Variants in KCNC1 observed in about 807,000 individuals in gnomAD.
KCNC1 encodes voltage-gated potassium channel KCNC1.
In KCNC1, 8 loss-of-function variants were observed where a neutral mutation model predicts 43.4. That is an observed-to-expected ratio of 0.18 (90% confidence interval 0.11 to 0.33). The LOEUF (loss-of-function observed/expected upper bound fraction) is 0.33. Ranked by LOEUF, KCNC1 falls within the 10% of genes least tolerant of loss-of-function variation. KCNC1 has a pLI of 1.00. For synonymous variants in KCNC1, 361 were observed against 360.5 expected, an observed-to-expected ratio of 1.00 and a Z score of -0.01; for missense variants, 420 against 836.0, an observed-to-expected ratio of 0.50 and a Z score of 6.14.
chr11:17,741,071 A>G (rs1848835448), intron 1 of KCNC1, among the ~76,000 whole-genome samples: 1 of 151,436 alleles, frequency 6.6e-6, no homozygotes, highest in Non-Finnish European at 1.5e-5. Context: ...TCATGGTACC[A>G]TATGAAGGAG....
At chr11:17,760,999 C>T (rs1345255519) in intron 1 of KCNC1, among the ~76,000 whole-genome samples, 4 of 152,218 alleles carry the variant, frequency 2.6e-5, no homozygotes, top group Non-Finnish European at 4.4e-5. Flanking sequence ...CCCCACTCAT[C>T]GTGCGACCTT....
Position 17,776,792 on chromosome 11 carries a change from T to A in KCNC1, c.1505-2664T>A. 2.0e-6 allele frequency: 2 copies of A among 985,286 alleles called. No individual in the cohort carries two copies. Among genetic ancestry groups the A allele is most frequent in the Non-Finnish European group, 2.4e-6 (2 of 829,986 alleles). 61.0% of individuals were successfully genotyped at this position (985,286 alleles called of 1,614,324 possible). On this transcript the variant is annotated intron_variant, in intron 2 of 3. Transcript: ENST00000265969. This position sits in a 1 kb window ranked among gnomAD's most constrained non-coding sequence, Gnocchi z 4.4. ...CCTATTCATGGGTTCCCCAGATTTA[T>A]ACAGTTGGCCCCTCGTTGGTTTCTC...
rs1362181185 is a variant in KCNC1 at position 17,781,152 on chromosome 11, AGAC to A, written c.1694-517_1694-515del. On this transcript the variant is annotated intron_variant, in intron 3 of 3. Coordinates refer to ENST00000265969, the MANE Select transcript of KCNC1 (RefSeq NM_001112741.2). This position sits in a 1 kb window ranked among gnomAD's most constrained non-coding sequence, Gnocchi z 5.1. ...ACTGATTGGTGTGGCCCCAAAGAGC[AGAC>A]AAGACAGTCTCTTTACTGTGGTGCC... The A allele has an allele frequency of 6.5e-6, 1 of 152,676 alleles. No homozygotes were observed. Among genetic ancestry groups the A allele is most frequent in the East Asian group, 1.9e-4 (1 of 5,196 alleles). The allele number at this position is 152,676 out of a possible 1,614,324, so 9.5% of individuals were successfully genotyped here.
intron 1 of KCNC1, among the ~76,000 whole-genome samples, chr11:17,769,304 G>A (rs1849194664): frequency 6.6e-6 from 1 of 152,056 alleles, no homozygotes. Flanking sequence ...GGATGGATGG[G>A]TGCATGGGTG....
At chr11:17,755,319 A>G (rs1014777902) in intron 1 of KCNC1, among the ~76,000 whole-genome samples, 1 of 152,212 alleles carries the variant, frequency 6.6e-6, no homozygotes, top group African/African-American at 2.4e-5. Context: ...CTCCTCTGAG[A>G]GAAATAGGGC....
At position 17,779,405 on chromosome 11, in the gene KCNC1, C is replaced by G; in HGVS notation, c.1505-51C>G. 1.4e-6 allele frequency: 2 copies of G among 1,389,096 alleles called. No individual in the cohort carries two copies. The highest frequency in any genetic ancestry group is 1.9e-6 in the Non-Finnish European group (2 of 1,058,636). 86.0% of individuals were successfully genotyped at this position (1,389,096 alleles called of 1,614,324 possible). A position where few individuals can be genotyped will look rare whatever the true frequency, so the allele number is the denominator to read the frequency against. On this transcript the variant is annotated intron_variant, in intron 2 of 3. Coordinates refer to ENST00000265969, the MANE Select transcript of KCNC1 (RefSeq NM_001112741.2). The surrounding 1 kb of genome is among the most constrained non-coding windows in gnomAD (Gnocchi z 7.2). ...GCTTCTGGCCTGTCCCCCCCTGCCC[C>G]CCACTAAACAGTTTTCAGTGTCTCA...
At position 17,771,647 on chromosome 11, in the gene KCNC1, G is replaced by C. The variant is rs1269936283; in HGVS notation, c.571-18G>C. On this transcript the variant is annotated intron_variant, in intron 1 of 3. Transcript: ENST00000265969. The surrounding 1 kb of genome is among the most constrained non-coding windows in gnomAD (Gnocchi z 4.7). The stretch of plus-strand genomic sequence containing the variant: ...TCTGGGTGGGCCTCCCTCTGACACT[G>C]TGTCTTTATCCCCACAGTATGTGGC... 1 of 1,590,516 alleles carries C rather than the reference G, an allele frequency of 6.3e-7. No homozygotes were observed. Among genetic ancestry groups the C allele is most frequent in the African/African-American group, 1.3e-5 (1 of 74,522 alleles).
At chr11:17,774,702 G>C in intron 2 of KCNC1, 1 of 985,466 alleles carries the variant, frequency 1.0e-6, no homozygotes, top group Non-Finnish European at 1.2e-6. Flanking sequence ...GACAGTTCTG[G>C]CTTGGACAGT....
Position 17,779,565 on chromosome 11 carries a change from C to A in KCNC1, c.1614C>A (p.Gly538=). 6.4e-7 allele frequency: 1 copy of A among 1,551,592 alleles called. No individual in the cohort carries two copies. The highest frequency in any genetic ancestry group is 1.4e-5 in the African/African-American group (1 of 73,190). Residue 538 remains glycine, a synonymous_variant, in exon 3 of 4, where the codon GGC becomes GGA. Coordinates refer to ENST00000265969, the MANE Select transcript of KCNC1 (RefSeq NM_001112741.2). The surrounding 1 kb of genome is among the most constrained non-coding windows in gnomAD (Gnocchi z 7.2). ...PDEGLPFTRS[G]TRERYGPCFL... is the part of the protein sequence containing the mutation. ...AGGGCCTGCCCTTTACGCGCTCGGG[C>A]ACCCGCGAGAGATACGGACCCTGCT...
chr11:17,782,174 T>A lies in KCNC1; in HGVS notation c.*440T>A, dbSNP rs1849352761. ...ACTGTAACGGCGTTCAGTAGAAACC[T>A]GTACATTTCTGGGGGTGAGGGGCGA... On this transcript the variant is annotated 3_prime_UTR_variant, in exon 4 of 4. Transcript: ENST00000265969. The A allele has an allele frequency of 6.4e-6, 1 of 156,664 alleles. No homozygotes were observed. The highest frequency in any genetic ancestry group is 1.4e-5 in the Non-Finnish European group (1 of 71,286). The allele number at this position is 156,664 out of a possible 1,614,324, so 9.7% of individuals were successfully genotyped here.
At chr11:17,767,241 C>T (rs1245793316) in intron 1 of KCNC1, among the ~76,000 whole-genome samples, 5 of 147,956 alleles carry the variant, frequency 3.4e-5, no homozygotes, top group African/African-American at 1.0e-4. Flanking sequence ...GCCAAGATCA[C>T]GCCACTGCAC....
chr11:17,777,070 T>A lies in KCNC1; in HGVS notation c.1505-2386T>A. ...CATCCCTCCAGGGATCCCTGATGGA[T>A]GTTCCTTGTCCCCTGCCCAAAACCA... On this transcript the variant is annotated intron_variant, in intron 2 of 3. Coordinates refer to ENST00000265969, the MANE Select transcript of KCNC1 (RefSeq NM_001112741.2). The surrounding 1 kb of genome is among the most constrained non-coding windows in gnomAD (Gnocchi z 4.3). The A allele has an allele frequency of 1.0e-6, 1 of 985,242 alleles. No individual in the cohort carries two copies. Among genetic ancestry groups the A allele is most frequent in the Non-Finnish European group, 1.2e-6 (1 of 829,904 alleles). The allele number at this position is 985,242 out of a possible 1,614,324, so 61.0% of individuals were successfully genotyped here.
chr11:17,779,386 G>T lies in KCNC1; in HGVS notation c.1505-70G>T. 3 of 1,288,782 alleles carry T rather than the reference G, an allele frequency of 2.3e-6. No individual in the cohort carries two copies. Among genetic ancestry groups the T allele is most frequent in the South Asian group, 1.8e-5 (1 of 55,076 alleles). 79.8% of individuals were successfully genotyped at this position (1,288,782 alleles called of 1,614,324 possible). On this transcript the variant is annotated intron_variant, in intron 2 of 3. Transcript: ENST00000265969. The surrounding 1 kb of genome is among the most constrained non-coding windows in gnomAD (Gnocchi z 7.2). The stretch of plus-strand genomic sequence containing the variant: ...TGCCCTCTGCCAATACCCCGCTTCT[G>T]GCCTGTCCCCCCCTGCCCCCCACTA...
chr11:17,773,946 G>T lies in KCNC1; in HGVS notation c.1504+1348G>T, dbSNP rs1849258621. The stretch of plus-strand genomic sequence containing the variant: ...CCCCAGGTGGGGAAGTTTCCCCCTG[G>T]TTTGGGTGGCCTCCCCCAGTGGATG... On this transcript the variant is annotated intron_variant, in intron 2 of 3. Transcript: ENST00000265969. The surrounding 1 kb of genome is among the most constrained non-coding windows in gnomAD (Gnocchi z 4.1). The T allele has an allele frequency of 1.0e-6, 1 of 985,390 alleles. No individual in the cohort carries two copies. The highest frequency in any genetic ancestry group is 1.7e-5 in the African/African-American group (1 of 57,248). 61.0% of individuals were successfully genotyped at this position (985,390 alleles called of 1,614,324 possible).
chr11:17,752,517 C>G (rs1254753206), intron 1 of KCNC1, among the ~76,000 whole-genome samples: 1 of 152,254 alleles, frequency 6.6e-6, no homozygotes, highest in African/African-American at 2.4e-5. Context: ...AGGCTCCCCA[C>G]CCTCGTGCAA....
intron 1 of KCNC1, among the ~76,000 whole-genome samples, chr11:17,767,475 T>G (rs1849167392): frequency 6.6e-6 from 1 of 152,156 alleles, no homozygotes; most frequent in African/African-American, 2.4e-5. Context: ...AGGCACATAG[T>G]AGGTCCTCAA....
At chr11:17,775,154 C>T (rs1590107988) in intron 2 of KCNC1, 1 of 985,578 alleles carries the variant, frequency 1.0e-6, no homozygotes, top group South Asian at 4.7e-5. Flanking sequence ...TGCAGCCCCC[C>T]AAGGCCTTTC....
At chr11:17,778,793 CAG>C (rs1849314370) in intron 2 of KCNC1, among the ~76,000 whole-genome samples, 1 of 141,622 alleles carries the variant, frequency 7.1e-6, no homozygotes, top group Non-Finnish European at 1.5e-5. Flanking sequence ...GTATGGGGAA[CAG>C]GGCATACAGA....
At chr11:17,758,126 A>G (rs922665792) in intron 1 of KCNC1, among the ~76,000 whole-genome samples, 2 of 152,236 alleles carry the variant, frequency 1.3e-5, no homozygotes, top group Non-Finnish European at 2.9e-5. Context: ...AATATTCTAA[A>G]TCCTTTGTTG....
Sources: gnomAD v4.1 joint callset for allele counts (sites outside exome capture counted in the v4.1 genomes callset) on GRCh38, gnomAD v4.1.1 for gene constraint, Gnocchi (gnomAD v3.1) non-coding constraint, MANE v1.5 for transcripts, NCBI Gene and HGNC (gene_info 2026-07-23, HGNC 2026-07-21) for gene names.